The following KCTD16 variants were observed in gnomAD, a reference collection of about 807,000 sequenced individuals.
The protein encoded by KCTD16 is potassium channel tetramerization domain containing 16.
Under a neutral mutation model 33.2 loss-of-function variants are expected in KCTD16, and 13 were observed. That is an observed-to-expected ratio of 0.39 (90% CI 0.25 to 0.62). The LOEUF (loss-of-function observed/expected upper bound fraction) is 0.62. KCTD16 is among the 20% of genes least tolerant of loss of function. The probability of loss-of-function intolerance (pLI) is 0.50; values close to 1 mark genes in which losing one functional copy is unlikely to be tolerated. For missense variants in KCTD16, 441 were observed against 525.1 expected (o/e 0.84, Z 1.57); for synonymous variants, 197 against 195.3 (o/e 1.01, Z -0.07).
chr5:144,367,618 T>TC (rs979429646), intron 3 of KCTD16, among the ~76,000 whole-genome samples: 2 of 151,972 alleles, frequency 1.3e-5, no homozygotes, highest in Non-Finnish European at 2.9e-5. Context: ...TTGCCAAATA[T>TC]CCCACTCAGG....
rs559931375 is a variant in KCTD16 at position 144,344,232 on chromosome 5, G to A, written c.833-129428G>A. Among the ~76,000 whole-genome samples the A allele has an allele frequency of 4.3e-4, 65 of 152,212 alleles. No individual in the cohort carries two copies. The South Asian group carries it at 0.011, about 27-fold the overall frequency. Reference sequence around the variant, plus strand: ...TTCAAGATGGATTAAAGACTTAAACGTTATACCTAAAACCGTAACAATCCT... The same window carrying A: ...TTCAAGATGGATTAAAGACTTAAACATTATACCTAAAACCGTAACAATCCT... On this transcript the variant is annotated intron_variant, in intron 3 of 3. Transcript: ENST00000512467.
rs1754618020 is a variant in KCTD16, at chr5:144,477,394, C to T, written c.*3280C>T. ...ACAATGCACAAATAATAAGCGTTCC[C>T]TTTGCTCTTTATTCCTTTATAGTTG... On this transcript the variant is annotated 3_prime_UTR_variant, in exon 4 of 4. Transcript: ENST00000512467. 6.6e-6 allele frequency: 1 copy of T among 152,062 alleles called. No individual in the cohort carries two copies. The highest frequency in any genetic ancestry group is 1.9e-4 in the East Asian group (1 of 5,188). 9.4% of individuals were successfully genotyped at this position (152,062 alleles called of 1,614,324 possible). A position where few individuals can be genotyped will look rare whatever the true frequency, so the allele number is the denominator to read the frequency against.
At chr5:144,467,617 G>A (rs1416890228) in intron 3 of KCTD16, among the ~76,000 whole-genome samples, 3 of 152,230 alleles carry the variant, frequency 2.0e-5, no homozygotes, top group Admixed American at 6.5e-5. Flanking sequence ...AAAGTAGAAA[G>A]ATGCGTGGCT....
At chr5:144,470,986 G>A (rs1344490156) in intron 3 of KCTD16, among the ~76,000 whole-genome samples, 1 of 152,150 alleles carries the variant, frequency 6.6e-6, no homozygotes, top group African/African-American at 2.4e-5. Flanking sequence ...TTCAAGACAA[G>A]CCTGGCTATG....
Position 144,477,722 on chromosome 5 carries a change from C to T in KCTD16, c.*3608C>T, listed in dbSNP as rs1463477288. On this transcript the variant is annotated 3_prime_UTR_variant, in exon 4 of 4. Transcript: ENST00000512467. ...TGACACCAGCTCCCACAATGGGAAC[C>T]AAATTTTGATTCTTATACATTTTCC... 6.6e-6 allele frequency: 1 copy of T among 152,048 alleles called. No individual in the cohort carries two copies. The highest frequency in any genetic ancestry group is 1.5e-5 in the Non-Finnish European group (1 of 67,960). 9.4% of individuals were successfully genotyped at this position (152,048 alleles called of 1,614,324 possible). A position where few individuals can be genotyped will look rare whatever the true frequency, so the allele number is the denominator to read the frequency against.
intron 3 of KCTD16, among the ~76,000 whole-genome samples, chr5:144,465,557 T>C (rs1754310702): frequency 6.6e-6 from 1 of 152,062 alleles, no homozygotes; most frequent in African/African-American, 2.4e-5. Flanking sequence ...TTCAAACCAC[T>C]ACTGTGGTCG....
chr5:144,293,470 G>T (rs1256973651), intron 3 of KCTD16, among the ~76,000 whole-genome samples: 3 of 151,888 alleles, frequency 2.0e-5, no homozygotes. Flanking sequence ...GTTTATAAAG[G>T]GTTTGTTCTT....
At chr5:144,449,863 G>T (rs905503154) in intron 3 of KCTD16, among the ~76,000 whole-genome samples, 2 of 151,924 alleles carry the variant, frequency 1.3e-5, no homozygotes, top group Non-Finnish European at 2.9e-5. Context: ...AGATATAGGG[G>T]AAAAGTTTCT....
At chr5:144,347,531 G>T (rs1237738797) in intron 3 of KCTD16, among the ~76,000 whole-genome samples, 1 of 152,180 alleles carries the variant, frequency 6.6e-6, no homozygotes, top group African/African-American at 2.4e-5. Context: ...GGAGGCGGAA[G>T]TTGCAGTGAG....
At chr5:144,459,485 G>C (rs1754144635) in intron 3 of KCTD16, among the ~76,000 whole-genome samples, 1 of 151,754 alleles carries the variant, frequency 6.6e-6, no homozygotes. Flanking sequence ...CCGAGTAGTT[G>C]GGATTACAGG....
At chr5:144,255,474 A>T (rs1754819495) in intron 3 of KCTD16, among the ~76,000 whole-genome samples, 1 of 152,108 alleles carries the variant, frequency 6.6e-6, no homozygotes, top group Non-Finnish European at 1.5e-5. Context: ...CAATTCTTCC[A>T]CATCCTTGCC....
At chr5:144,346,379 A>G (rs900806236) in intron 3 of KCTD16, among the ~76,000 whole-genome samples, 1 of 152,140 alleles carries the variant, frequency 6.6e-6, no homozygotes, top group African/African-American at 2.4e-5. Flanking sequence ...ACCCAGCAGT[A>G]TGATTGCTGG....
At chr5:144,385,707 A>G (rs943811216) in intron 3 of KCTD16, among the ~76,000 whole-genome samples, 6 of 152,178 alleles carry the variant, frequency 3.9e-5, no homozygotes, top group African/African-American at 1.4e-4. Context: ...AAAAATGTAT[A>G]TGTCTGCCTC....
chr5:144,367,845 C>T (rs893626725), intron 3 of KCTD16, among the ~76,000 whole-genome samples: 1 of 149,154 alleles, frequency 6.7e-6, no homozygotes. Flanking sequence ...TTTATTGTTT[C>T]CAACTTTTTG....
intron 3 of KCTD16, among the ~76,000 whole-genome samples, chr5:144,415,799 G>C (rs1391424799): frequency 1.3e-5 from 2 of 152,180 alleles, no homozygotes; most frequent in African/African-American, 4.8e-5. Context: ...AATTTTGGCA[G>C]AGGTACTGAA....
intron 3 of KCTD16, among the ~76,000 whole-genome samples, chr5:144,269,220 A>C (rs539154550): frequency 6.6e-6 from 1 of 152,058 alleles, no homozygotes; most frequent in Non-Finnish European, 1.5e-5. Context: ...TTGATAAAAG[A>C]CATGAATGTA....
chr5:144,215,161 C>T (rs1177837631), intron 3 of KCTD16, among the ~76,000 whole-genome samples: 1 of 152,176 alleles, frequency 6.6e-6, no homozygotes, highest in Non-Finnish European at 1.5e-5. Context: ...GTGCTCTACT[C>T]TTCGCACCTG....
intron 3 of KCTD16, among the ~76,000 whole-genome samples, chr5:144,448,146 G>A (rs570975924): frequency 6.9e-4 from 105 of 152,212 alleles, no homozygotes; most frequent in African/African-American, 2.5e-3. Flanking sequence ...CATTGATGCT[G>A]TAGTCTCTTT....
intron 3 of KCTD16, among the ~76,000 whole-genome samples, chr5:144,249,244 T>C (rs1218937442): frequency 6.6e-6 from 1 of 152,178 alleles, no homozygotes; most frequent in East Asian, 1.9e-4. Flanking sequence ...TCTGTAATAT[T>C]CTTATACTCT....
Sources: allele counts gnomAD v4.1 joint callset (sites outside exome capture counted in the v4.1 genomes callset), GRCh38; gene constraint gnomAD v4.1.1; transcripts MANE v1.5; gene names NCBI Gene and HGNC (gene_info 2026-07-23, HGNC 2026-07-21).